The following STAB2 variants were observed in gnomAD, a reference collection of about 807,000 sequenced individuals.
STAB2 encodes stabilin-2.
In STAB2, 288 loss-of-function variants were observed where a neutral mutation model predicts 338.1. That is an observed-to-expected ratio of 0.85 (90% confidence interval 0.77 to 0.94). The LOEUF (loss-of-function observed/expected upper bound fraction) is 0.94. STAB2 is among the 40% of genes least tolerant of loss of function. The pLI, the probability that STAB2 is intolerant of heterozygous loss-of-function variation, is 0.00. For synonymous variants in STAB2, 1,202 were observed against 1,193.3 expected (o/e 1.01, Z -0.15); for missense variants, 3,141 against 3,210.1 (o/e 0.98, Z 0.52).
At chr12:103,723,419 G>C (rs187250214) in intron 44 of STAB2, among the ~76,000 whole-genome samples, 1 of 152,294 alleles carries the variant, frequency 6.6e-6, no homozygotes, top group African/African-American at 2.4e-5. Context: ...TACAAGAAGA[G>C]CACAGGAAAG....
At chr12:103,742,745 C>T (rs1219992158) in intron 56 of STAB2, among the ~76,000 whole-genome samples, 191 bp downstream of exon 56, 2 of 152,174 alleles carry the variant, frequency 1.3e-5, no homozygotes, top group Non-Finnish European at 1.5e-5. Context: ...AAAGCTTCGC[C>T]TCTAGAAGTG....
At chr12:103,752,969 G>A (rs1294810990) in intron 60 of STAB2, among the ~76,000 whole-genome samples, 1 of 152,196 alleles carries the variant, frequency 6.6e-6, no homozygotes, top group Non-Finnish European at 1.5e-5. Flanking sequence ...GAATAGAATT[G>A]TAGGTGGTTT....
At chr12:103,591,087 C>T in intron 2 of STAB2, 57 bp downstream of exon 2, 2 of 1,602,642 alleles carry the variant, frequency 1.2e-6, no homozygotes, top group South Asian at 1.1e-5. Context: ...AGCTCCCTGT[C>T]TCAAAAACTG....
Position 103,699,228 on chromosome 12 carries a change from G to A in STAB2, c.3714+1G>A. On this transcript the variant is annotated splice_donor_variant, in intron 34 of 68. Coordinates refer to ENST00000388887, the MANE Select transcript of STAB2 (RefSeq NM_017564.10). LOFTEE classifies it high-confidence loss of function. ...TAGCTTCTTTCTCCATAATGACCAG[G>A]TACGATCCTTTTATGTAAAACCCCA... The A allele has an allele frequency of 6.2e-7, 1 of 1,608,288 alleles. No individual in the cohort carries two copies. Among genetic ancestry groups the A allele is most frequent in the Non-Finnish European group, 8.5e-7 (1 of 1,175,666 alleles).
At chr12:103,629,422 A>G (rs1172040781) in intron 5 of STAB2, among the ~76,000 whole-genome samples, 1 of 152,136 alleles carries the variant, frequency 6.6e-6, no homozygotes, top group African/African-American at 2.4e-5. Flanking sequence ...ACTTGGTTTG[A>G]CCATTGGTGC....
chr12:103,712,263 A>C (rs1879930142), intron 40 of STAB2, 104 bp from the exon 41 acceptor site: 2 of 883,168 alleles, frequency 2.3e-6, no homozygotes, highest in African/African-American at 1.6e-5. Context: ...TGAGTGTCTC[A>C]TGGGGGCAGG....
intron 22 of STAB2, among the ~76,000 whole-genome samples, chr12:103,673,300 C>A (rs960823360): frequency 1.3e-5 from 2 of 152,192 alleles, no homozygotes; most frequent in Admixed American, 6.5e-5. Flanking sequence ...CTCTTCCCCA[C>A]ACCCCACACA....
At position 103,688,234 on chromosome 12, in the gene STAB2, A is replaced by T. The variant is rs759688816; in HGVS notation, c.3045+19A>T. The T allele has an allele frequency of 2.5e-6, 4 of 1,611,526 alleles. No individual in the cohort carries two copies. The highest frequency in any genetic ancestry group is 3.4e-6 in the Non-Finnish European group (4 of 1,177,748). On this transcript the variant is annotated intron_variant, in intron 28 of 68. Transcript: ENST00000388887. ...GATAAATGTGAGTACCTTTATTGGG[A>T]CTTAGGATTGGGAATGTATATATTT...
At chr12:103,743,425 T>C (rs377682635) in intron 56 of STAB2, among the ~76,000 whole-genome samples, 4 of 152,112 alleles carry the variant, frequency 2.6e-5, no homozygotes, top group African/African-American at 9.7e-5. Context: ...AAAATAGTTA[T>C]AAAGGATATA....
At chr12:103,722,026 G>A (rs1880807776) in intron 44 of STAB2, among the ~76,000 whole-genome samples, 1 of 152,196 alleles carries the variant, frequency 6.6e-6, no homozygotes, top group African/African-American at 2.4e-5. Context: ...GAGTTGCTTG[G>A]TAGCCATTCA....
chr12:103,748,605 T>TACACACACACAC (rs71097994), intron 58 of STAB2, among the ~76,000 whole-genome samples: 1 of 141,708 alleles, frequency 7.1e-6, no homozygotes, highest in Non-Finnish European at 1.6e-5. Flanking sequence ...CACACACACA[T>TACACACACACAC]ACACACACAC....
intron 51 of STAB2, 145 bp from the exon 52 acceptor site, chr12:103,735,346 A>G: frequency 1.9e-6 from 1 of 537,472 alleles, no homozygotes; most frequent in Non-Finnish European, 3.3e-6. Flanking sequence ...CCCATTGGTT[A>G]TACCTACGGT....
intron 8 of STAB2, among the ~76,000 whole-genome samples, chr12:103,638,413 C>T (rs1326151390): frequency 6.6e-6 from 1 of 152,164 alleles, no homozygotes; most frequent in East Asian, 1.9e-4. Flanking sequence ...TCACACTTTC[C>T]CAGCTCCCCA....
At chr12:103,643,881 CGCCTCTGCCCGGCCGCCCCT>C (rs1593175393) in intron 9 of STAB2, among the ~76,000 whole-genome samples, 61 of 136,362 alleles carry the variant, frequency 4.5e-4, no homozygotes, top group Non-Finnish European at 5.9e-4. Context: ...AGGTGAGGGG[CGCCTCTGCCCGGCCGCCCCT>C]ACTGGGAAGT....
At chr12:103,745,125 A>G in intron 56 of STAB2, 48 bp from the exon 57 acceptor site, 1 of 1,536,438 alleles carries the variant, frequency 6.5e-7, no homozygotes, top group East Asian at 2.4e-5. Context: ...GAGCTGGTTG[A>G]TTGGGTCTCA....
In STAB2 at chr12:103,745,257, C is replaced by T; in HGVS notation, c.6116C>T (p.Pro2039Leu). ...QCLCETGWTG[P>L]SCDTQAVLPA... ...CTCTGTGAAACGGGGTGGACAGGCC[C>T]CTCGTGTGACACTCAGGCAGGTCAG... The change falls in exon 57 of 69, where the codon CCC (proline) becomes CTC (leucine). Residue 2039 changes from proline (P) to leucine (L), a missense_variant. By Grantham distance (98) the Pro-to-Leu change is moderately conservative. Transcript: ENST00000388887. 6.2e-7 allele frequency: 1 copy of T among 1,613,708 alleles called. No individual in the cohort carries two copies. The highest frequency in any genetic ancestry group is 8.5e-7 in the Non-Finnish European group (1 of 1,179,944).
rs528818625 is a variant in STAB2 at position 103,621,548 on chromosome 12, C to G, written c.418-494C>G. On this transcript the variant is annotated intron_variant, in intron 4 of 68. Coordinates refer to ENST00000388887, the MANE Select transcript of STAB2 (RefSeq NM_017564.10). Reference sequence around the variant, plus strand: ...AGGAGTTCGAGACCAACCTGGCCAACATGGTGAAACCTGTCTCTACTAAAA... The same window carrying G: ...AGGAGTTCGAGACCAACCTGGCCAAGATGGTGAAACCTGTCTCTACTAAAA... Among the ~76,000 whole-genome samples the G allele has an allele frequency of 3.3e-5, 5 of 152,266 alleles. No individual in the cohort carries two copies. In the East Asian group the frequency reaches 9.7e-4, roughly 30 times the overall value.
chr12:103,641,581 A>G (rs1872930987), intron 9 of STAB2, among the ~76,000 whole-genome samples: 1 of 152,158 alleles, frequency 6.6e-6, no homozygotes, highest in South Asian at 2.1e-4. Context: ...CCCCTCAAAC[A>G]TATATTCTGG....
chr12:103,745,391 G>C (rs751162740), intron 57 of STAB2, 114 bp downstream of exon 57: 2 of 906,746 alleles, frequency 2.2e-6, no homozygotes, highest in Non-Finnish European at 3.2e-6. Context: ...GACAAAGCAG[G>C]TCCATGTGGT....
Sources: allele counts gnomAD v4.1 joint callset (sites outside exome capture counted in the v4.1 genomes callset), GRCh38; gene constraint gnomAD v4.1.1; transcripts MANE v1.5; gene names NCBI Gene and HGNC (gene_info 2026-07-23, HGNC 2026-07-21).